The following CYP27A1 variants were observed in gnomAD, a reference collection of about 807,000 sequenced individuals.
CYP27A1 encodes the protein sterol 26-hydroxylase, mitochondrial.
In CYP27A1, 46 loss-of-function variants were observed where a neutral mutation model predicts 58.2. That is an observed-to-expected ratio of 0.79 (90% CI 0.62 to 1.01). The LOEUF (loss-of-function observed/expected upper bound fraction) is 1.01. Ranked by LOEUF, CYP27A1 falls within the 50% of genes least tolerant of loss-of-function variation. The pLI is 0.00. For missense variants in CYP27A1, 704 were observed against 687.0 expected, an observed-to-expected ratio of 1.02 and a Z score of -0.28; for synonymous variants, 274 against 285.1, an observed-to-expected ratio of 0.96 and a Z score of 0.39.
intron 1 of CYP27A1, among the ~76,000 whole-genome samples, chr2:218,794,091 A>G (rs1943522877): frequency 6.6e-6 from 1 of 152,192 alleles, no homozygotes; most frequent in Non-Finnish European, 1.5e-5. Context: ...ACAGGCCCCC[A>G]TCTCACAGAT....
At chr2:218,813,606 T>C (rs1943747791) in intron 5 of CYP27A1, among the ~76,000 whole-genome samples, 1 of 151,996 alleles carries the variant, frequency 6.6e-6, no homozygotes, top group South Asian at 2.1e-4. Flanking sequence ...TTTCTTTAAA[T>C]TTTAGTAGAG....
chr2:218,786,884 T>A lies in CYP27A1; in HGVS notation c.255+4447T>A, dbSNP rs536392023. ...ATCATGGCTCACTGCAGCTTTGACC[T>A]CCTGGGCTCCAGCTGTCCTCTCACA... On this transcript the variant is annotated intron_variant, in intron 1 of 8. Transcript: ENST00000258415. Among the ~76,000 whole-genome samples, 8 of 152,152 alleles carry A rather than the reference T, an allele frequency of 5.3e-5. No individual in the cohort carries two copies. The South Asian group carries it at 1.7e-3, about 32-fold the overall frequency.
At position 218,814,659 on chromosome 2, in the gene CYP27A1, A is replaced by T; in HGVS notation, c.1378A>T (p.Ile460Phe). Reference protein sequence around the residue: ...LRNSQPATPRIQHPFGSVPFG... With the variant: ...LRNSQPATPRFQHPFGSVPFG... ...AAACAGCCAGCCTGCTACCCCCAGG[A>T]TCCAGCACCCATTTGGCTCTGTGCC... Residue 460 changes from isoleucine to phenylalanine, a missense_variant, in exon 8 of 9, where the codon ATC (isoleucine) becomes TTC (phenylalanine). Ile to Phe is a conservative substitution (Grantham distance 21). Transcript: ENST00000258415. 6.2e-7 allele frequency: 1 copy of T among 1,614,172 alleles called. No homozygotes were observed. Among genetic ancestry groups the T allele is most frequent in the East Asian group, 2.2e-5 (1 of 44,876 alleles).
chr2:218,787,600 C>T (rs1434731667), intron 1 of CYP27A1, among the ~76,000 whole-genome samples: 1 of 152,124 alleles, frequency 6.6e-6, no homozygotes, highest in African/African-American at 2.4e-5. Context: ...CAGGTGGGAC[C>T]TTTAAGAGGT....
chr2:218,807,619 T>G (rs1002252701), intron 1 of CYP27A1, among the ~76,000 whole-genome samples: 3 of 152,124 alleles, frequency 2.0e-5, no homozygotes, highest in African/African-American at 4.8e-5. Context: ...GTAATCACTT[T>G]ATATTTATTT....
Position 218,814,613 on chromosome 2 carries a change from C to T in CYP27A1, c.1332C>T (p.Phe444=), listed in dbSNP as rs760024535. 6.2e-7 allele frequency: 1 copy of T among 1,614,220 alleles called. No individual in the cohort carries two copies. The highest frequency in any genetic ancestry group is 1.7e-5 in the Admixed American group (1 of 60,028). Residue 444 remains phenylalanine, a synonymous_variant, in exon 8 of 9, where the codon TTC becomes TTT. Transcript: ENST00000258415. ...CTGCCTTCTCTGAGCCTGAAAGCTT[C>T]CAGCCCCACCGCTGGCTGAGAAACA... ...DPTAFSEPES[F]QPHRWLRNSQ...
intron 1 of CYP27A1, among the ~76,000 whole-genome samples, chr2:218,803,032 C>G (rs1943614467): frequency 6.6e-6 from 1 of 152,102 alleles, no homozygotes; most frequent in South Asian, 2.1e-4. Flanking sequence ...GCAACCTCTG[C>G]CTCTTGGGTT....
In CYP27A1 at chr2:218,784,905, T is replaced by TC. The variant is rs1418561434; in HGVS notation, c.255+2472dup. Among the ~76,000 whole-genome samples the TC allele has an allele frequency of 1.4e-4, 21 of 152,356 alleles. No individual in the cohort carries two copies. The South Asian group carries it at 2.3e-3, about 17-fold the overall frequency. The stretch of plus-strand genomic sequence containing the variant: ...GAACCCAGATCCTTTAAGCCAGTGG[T>TC]CCCCAGTCTTTTTGGCACCAGTTTT... On this transcript the variant is annotated intron_variant, in intron 1 of 8. Transcript: ENST00000258415.
Position 218,814,047 on chromosome 2 carries a change from G to A in CYP27A1, c.1044G>A (p.Leu348=), listed in dbSNP as rs776794344. Residue 348 remains leucine, a synonymous_variant, in exon 6 of 9, where the codon CTG becomes CTA. Transcript: ENST00000258415. ...DTTSNTLTWA[L]YHLSKDPEIQ... is the part of the protein sequence containing the mutation. ...CATCCAACACGCTGACATGGGCCCT[G>A]TACCACCTCTCAAAGGACCCTGAGA... The A allele has an allele frequency of 6.2e-7, 1 of 1,614,206 alleles. No individual in the cohort carries two copies. The highest frequency in any genetic ancestry group is 1.1e-5 in the South Asian group (1 of 91,084).
intron 5 of CYP27A1, 152 bp from the exon 6 acceptor site, chr2:218,813,869 T>C (rs746468928): frequency 4.2e-5 from 35 of 830,660 alleles, no homozygotes; most frequent in Non-Finnish European, 6.9e-5. Flanking sequence ...ATGTTTAGCA[T>C]GGAGACTGCC....
chr2:218,806,001 T>G (rs1467863254), intron 1 of CYP27A1: 1 of 152,220 alleles, frequency 6.6e-6, no homozygotes, highest in African/African-American at 2.4e-5. Context: ...TCAGAGGCTT[T>G]GGATTCCAGG....
chr2:218,785,678 G>T (rs1212343050), intron 1 of CYP27A1, among the ~76,000 whole-genome samples: 1 of 152,036 alleles, frequency 6.6e-6, no homozygotes, highest in Admixed American at 6.6e-5. Context: ...GAGCCACCTG[G>T]TTTCAGTCCT....
At chr2:218,794,331 G>A (rs545235627) in intron 1 of CYP27A1, among the ~76,000 whole-genome samples, 1 of 152,296 alleles carries the variant, frequency 6.6e-6, no homozygotes, top group Non-Finnish European at 1.5e-5. Context: ...TGCTGACAGC[G>A]GGCATAGTTT....
chr2:218,812,843 AC>A (rs758941924), intron 4 of CYP27A1, 80 bp from the exon 5 acceptor site: 12 of 1,606,446 alleles, frequency 7.5e-6, no homozygotes, highest in Non-Finnish European at 7.7e-6. Flanking sequence ...CCCTCATGCT[AC>A]CAGTTGTCGG....
At chr2:218,801,101 A>G (rs1425425653) in intron 1 of CYP27A1, among the ~76,000 whole-genome samples, 1 of 152,198 alleles carries the variant, frequency 6.6e-6, no homozygotes, top group Admixed American at 6.5e-5. Flanking sequence ...AAATGGAACC[A>G]TTGTGATAAA....
intron 5 of CYP27A1, among the ~76,000 whole-genome samples, chr2:218,813,372 CT>C (rs1376993929): frequency 8.5e-5 from 13 of 152,230 alleles, no homozygotes; most frequent in African/African-American, 2.4e-4. Context: ...CTATCCAACT[CT>C]CTTGCTGCAA....
chr2:218,815,081 C>T lies in CYP27A1; in HGVS notation c.*51C>T, dbSNP rs778507168. ...TGTCCTAGAGGCTCCAGCTCTGGCA[C>T]AGTGGTTCCTGGCTGCTGCCATGTC... On this transcript the variant is annotated 3_prime_UTR_variant, in exon 9 of 9. Transcript: ENST00000258415. 1 of 1,612,090 alleles carries T rather than the reference C, an allele frequency of 6.2e-7. No homozygotes were observed. The highest frequency in any genetic ancestry group is 8.5e-7 in the Non-Finnish European group (1 of 1,178,676).
intron 1 of CYP27A1, among the ~76,000 whole-genome samples, chr2:218,808,954 C>T (rs1184067876): frequency 6.6e-6 from 1 of 151,698 alleles, no homozygotes; most frequent in Admixed American, 6.6e-5. Flanking sequence ...TTGTCATGTT[C>T]TTAGATTTCA....
intron 1 of CYP27A1, 129 bp from the exon 2 acceptor site, chr2:218,809,439 GCCCTTTTTT>G (rs1238375744): frequency 9.1e-6 from 6 of 662,886 alleles, no homozygotes; most frequent in African/African-American, 6.3e-5. Context: ...CATACACAAT[GCCCTTTTTT>G]TTTTTTTTTT....
Sources: gnomAD v4.1 joint callset for allele counts (sites outside exome capture counted in the v4.1 genomes callset) on GRCh38, gnomAD v4.1.1 for gene constraint, MANE v1.5 for transcripts, NCBI Gene and HGNC (gene_info 2026-07-23, HGNC 2026-07-21) for gene names.